TTYH2: variants seen among roughly 807,000 people sequenced by gnomAD.
TTYH2 encodes protein tweety homolog 2.
Under a neutral mutation model 68.3 loss-of-function variants are expected in TTYH2, and 49 were observed. The observed-to-expected ratio is 0.72, with a 90% confidence interval of 0.57 to 0.91. The LOEUF is 0.91. Among genes scored for constraint, TTYH2 ranks in the 40% least tolerant of loss-of-function variants. The pLI, the probability that TTYH2 is intolerant of heterozygous loss-of-function variation, is 0.00. For synonymous variants in TTYH2, 272 were observed against 300.8 expected (o/e 0.90, Z 0.99); for missense variants, 631 against 700.4 (o/e 0.90, Z 1.12).
At chr17:74,230,644 T>C (rs1331615942) in intron 2 of TTYH2, among the ~76,000 whole-genome samples, 1 of 133,796 alleles carries the variant, frequency 7.5e-6, no homozygotes, top group Non-Finnish European at 1.6e-5. Flanking sequence ...AAAAACAAGC[T>C]TTTTTTTTTT....
At chr17:74,242,211 G>A (rs1222008777) in intron 4 of TTYH2, among the ~76,000 whole-genome samples, 1 of 152,140 alleles carries the variant, frequency 6.6e-6, no homozygotes, top group Non-Finnish European at 1.5e-5. Context: ...GGACAAAAAG[G>A]CCAGAGGAAT....
In TTYH2 at chr17:74,250,260, T is replaced by C. The variant is rs745652917; in HGVS notation, c.1024-5T>C. 1 of 1,611,836 alleles carries C rather than the reference T, an allele frequency of 6.2e-7. No homozygotes were observed. Among genetic ancestry groups the C allele is most frequent in the South Asian group, 1.1e-5 (1 of 90,570 alleles). On this transcript the variant is annotated splice_region_variant and splice_polypyrimidine_tract_variant and intron_variant, in intron 9 of 13. Coordinates refer to ENST00000269346, the MANE Select transcript of TTYH2 (RefSeq NM_032646.6). ...TCGGCCTCTCTCGCTCTCTTCCCGC[T>C]TCAGGAAGACCTGCTTGCAATCCAG...
chr17:74,247,237 A>G (rs557655306), intron 6 of TTYH2, among the ~76,000 whole-genome samples: 113 of 152,058 alleles, frequency 7.4e-4, no homozygotes, highest in African/African-American at 2.5e-3. Flanking sequence ...TATCAAAAGA[A>G]CAGCGTGAGA....
intron 2 of TTYH2, among the ~76,000 whole-genome samples, chr17:74,229,783 C>T (rs982620943): frequency 1.3e-5 from 2 of 152,168 alleles, no homozygotes; most frequent in Non-Finnish European, 1.5e-5. Flanking sequence ...CACACTGTAT[C>T]GTTTCAACTC....
intron 10 of TTYH2, chr17:74,251,938 G>A: frequency 2.7e-6 from 1 of 377,122 alleles, no homozygotes; most frequent in Non-Finnish European, 4.9e-6. Flanking sequence ...CTCAGCTTCA[G>A]TGCCCCCGTC....
chr17:74,222,461 C>A lies in TTYH2; in HGVS notation c.130-24C>A, dbSNP rs372988130. On this transcript the variant is annotated intron_variant, in intron 1 of 13. Coordinates refer to ENST00000269346, the MANE Select transcript of TTYH2 (RefSeq NM_032646.6). The surrounding 1 kb of genome is among the most constrained non-coding windows in gnomAD (Gnocchi z 5.2). Reference sequence around the variant, plus strand: ...CCCGCACTGCAGGGATGAAGAGTGACAACAGGCCTCTGCTCTCTTCCAGTC... The same window carrying A: ...CCCGCACTGCAGGGATGAAGAGTGAAAACAGGCCTCTGCTCTCTTCCAGTC... 1.3e-6 allele frequency: 2 copies of A among 1,595,460 alleles called. No individual in the cohort carries two copies. Among genetic ancestry groups the A allele is most frequent in the Non-Finnish European group, 1.7e-6 (2 of 1,173,550 alleles).
chr17:74,256,309 A>G (rs2050693039), intron 13 of TTYH2, among the ~76,000 whole-genome samples: 1 of 152,060 alleles, frequency 6.6e-6, no homozygotes, highest in Admixed American at 6.5e-5. Flanking sequence ...CCACGCTTGG[A>G]GGCTGGGGAT....
At chr17:74,257,776 A>C (rs1250747250) in intron 13 of TTYH2, among the ~76,000 whole-genome samples, 3 of 152,240 alleles carry the variant, frequency 2.0e-5, no homozygotes, top group African/African-American at 7.2e-5. Context: ...AGACTTACAG[A>C]AACAGAATAT....
chr17:74,221,128 C>T (rs1252646234), intron 1 of TTYH2, among the ~76,000 whole-genome samples: 1 of 152,174 alleles, frequency 6.6e-6, no homozygotes, highest in Admixed American at 6.5e-5. Flanking sequence ...TCCATCTGTT[C>T]CCCTCCCAAG....
intron 5 of TTYH2, 142 bp downstream of exon 5, chr17:74,243,611 T>TC: frequency 1.3e-6 from 1 of 794,708 alleles, no homozygotes; most frequent in East Asian, 2.6e-5. Flanking sequence ...TCCTCAGCAC[T>TC]CAGCAGAGGA....
At chr17:74,255,935 C>T (rs564433249) in intron 13 of TTYH2, among the ~76,000 whole-genome samples, 8 of 152,254 alleles carry the variant, frequency 5.3e-5, no homozygotes, top group African/African-American at 1.4e-4. Context: ...CTGGGACCAG[C>T]GTGATAGACC....
chr17:74,248,798 A>G (rs569837434), intron 6 of TTYH2: 3 of 1,419,106 alleles, frequency 2.1e-6, no homozygotes, highest in South Asian at 1.5e-5. Flanking sequence ...AGATGAGGCA[A>G]CCGGGGCACA....
rs776358657 is a variant in TTYH2, at chr17:74,249,481, G to A, written c.930+82G>A. 43 of 1,472,962 alleles carry A rather than the reference G, an allele frequency of 2.9e-5. No homozygotes were observed. The East Asian group carries it at 3.6e-4, about 12-fold the overall frequency. 91.2% of individuals were successfully genotyped at this position (1,472,962 alleles called of 1,614,324 possible). A position where few individuals can be genotyped will look rare whatever the true frequency, so the allele number is the denominator to read the frequency against. ...AAGCCTCACCACTGACCAAGATGGCGGAGGTGGCAGGGCCTTGCTTGCCTC... is the reference window on the plus strand; with the variant it reads ...AAGCCTCACCACTGACCAAGATGGCAGAGGTGGCAGGGCCTTGCTTGCCTC... On this transcript the variant is annotated intron_variant, in intron 8 of 13. Coordinates refer to ENST00000269346, the MANE Select transcript of TTYH2 (RefSeq NM_032646.6).
Position 74,217,429 on chromosome 17 carries a change from G to T in TTYH2, c.129+3713G>T, listed in dbSNP as rs962321803. On this transcript the variant is annotated intron_variant, in intron 1 of 13. Transcript: ENST00000269346. This position sits in a 1 kb window ranked among gnomAD's most constrained non-coding sequence, Gnocchi z 4.0. ...GTGGAGGGTACACAGTTGGGGACTG[G>T]ACCGGAACTACAGGACTTCCTGCTT... Among the ~76,000 whole-genome samples, 1 of 152,198 alleles carries T rather than the reference G, an allele frequency of 6.6e-6. No homozygotes were observed. The highest frequency in any genetic ancestry group is 1.5e-5 in the Non-Finnish European group (1 of 68,020).
intron 1 of TTYH2, among the ~76,000 whole-genome samples, chr17:74,218,934 A>T (rs2143712881): frequency 6.6e-6 from 1 of 152,264 alleles, no homozygotes; most frequent in African/African-American, 2.4e-5. Context: ...TTTTTGTGTT[A>T]TTAGGAATAA....
At position 74,222,377 on chromosome 17, in the gene TTYH2, G is replaced by C. The variant is rs537998419; in HGVS notation, c.130-108G>C. ...CTAGGTGGAGCTTGGAAGGATGGAC[G>C]AGAGATGCAGCTCAGGCAGTGGGGC... On this transcript the variant is annotated intron_variant, in intron 1 of 13. Transcript: ENST00000269346. This position sits in a 1 kb window ranked among gnomAD's most constrained non-coding sequence, Gnocchi z 5.2. 1 of 1,295,064 alleles carries C rather than the reference G, an allele frequency of 7.7e-7. No homozygotes were observed. Among genetic ancestry groups the C allele is most frequent in the African/African-American group, 1.5e-5 (1 of 67,454 alleles). 80.2% of individuals were successfully genotyped at this position (1,295,064 alleles called of 1,614,324 possible).
chr17:74,231,434 C>G (rs1434771117), intron 3 of TTYH2, among the ~76,000 whole-genome samples: 1 of 152,194 alleles, frequency 6.6e-6, no homozygotes, highest in African/African-American at 2.4e-5. Flanking sequence ...TGGCTCACTC[C>G]TGTCTTCCCA....
At chr17:74,254,598 T>C (rs143542888) in intron 13 of TTYH2, among the ~76,000 whole-genome samples, 9 of 152,358 alleles carry the variant, frequency 5.9e-5, no homozygotes, top group African/African-American at 9.6e-5. Context: ...TCCTGATGTT[T>C]GTACTTCCAA....
chr17:74,242,057 C>T lies in TTYH2; in HGVS notation c.636-1317C>T, dbSNP rs187464177. ...CCCATCAACCTTTATATTTAGCAAG[C>T]ACTTAATCCTTCCTCTGGCCCTGTG... On this transcript the variant is annotated intron_variant, in intron 4 of 13. Transcript: ENST00000269346. Among the ~76,000 whole-genome samples the T allele has an allele frequency of 3.0e-3, 459 of 152,346 alleles. 2 individuals carry two copies. The highest frequency in any genetic ancestry group is 5.5e-3 in the Non-Finnish European group (376 of 68,022).
Sources: gnomAD v4.1 joint callset for allele counts (sites outside exome capture counted in the v4.1 genomes callset) on GRCh38, gnomAD v4.1.1 for gene constraint, Gnocchi (gnomAD v3.1) non-coding constraint, MANE v1.5 for transcripts, NCBI Gene and HGNC (gene_info 2026-07-23, HGNC 2026-07-21) for gene names.